SLCO5A1: variants seen among roughly 807,000 people sequenced by gnomAD.
SLCO5A1 encodes the protein organic anion transporter polypeptide-related protein 4.
In SLCO5A1, 39 loss-of-function variants were observed where a neutral mutation model predicts 65.1. That is an observed-to-expected ratio of 0.60 (90% CI 0.46 to 0.78). SLCO5A1 has a LOEUF of 0.78. Among genes scored for constraint, SLCO5A1 ranks in the 30% least tolerant of loss-of-function variants. SLCO5A1 has a pLI of 0.00. For missense variants in SLCO5A1, 1,029 were observed against 1,069.4 expected (o/e 0.96, Z 0.53); for synonymous variants, 438 against 415.7 (o/e 1.05, Z -0.65).
intron 5 of SLCO5A1, among the ~76,000 whole-genome samples, chr8:69,706,832 A>C (rs1395197888): frequency 4.6e-5 from 7 of 152,218 alleles, no homozygotes; most frequent in Non-Finnish European, 1.0e-4. Context: ...ACTTCTGGGT[A>C]TGTTATTTTT....
intron 5 of SLCO5A1, among the ~76,000 whole-genome samples, chr8:69,733,680 T>A (rs928040508): frequency 1.3e-5 from 2 of 152,176 alleles, no homozygotes; most frequent in African/African-American, 4.8e-5. Flanking sequence ...TCACGAGACG[T>A]GATGGTTTTA....
chr8:69,771,016 C>G (rs538751546), intron 2 of SLCO5A1, among the ~76,000 whole-genome samples: 12 of 152,248 alleles, frequency 7.9e-5, no homozygotes, highest in Non-Finnish European at 1.2e-4. Flanking sequence ...TGGAGTTACA[C>G]TCTTGTCACC....
intron 6 of SLCO5A1, among the ~76,000 whole-genome samples, chr8:69,690,380 T>C (rs1321232484): frequency 2.0e-5 from 3 of 152,160 alleles, no homozygotes; most frequent in Non-Finnish European, 4.4e-5. Context: ...GCCGCGGGCC[T>C]TTGTGGAATG....
At chr8:69,758,270 T>C (rs1817609127) in intron 3 of SLCO5A1, among the ~76,000 whole-genome samples, 1 of 152,156 alleles carries the variant, frequency 6.6e-6, no homozygotes, top group African/African-American at 2.4e-5. Flanking sequence ...AACTGCAGCC[T>C]TGACCTCCCG....
At chr8:69,824,929 G>A (rs1196917598) in intron 2 of SLCO5A1, among the ~76,000 whole-genome samples, 67 of 151,998 alleles carry the variant, frequency 4.4e-4, no homozygotes, top group African/African-American at 1.5e-3. Context: ...CTTATCCACC[G>A]TGATCAAGTG....
chr8:69,763,734 A>G (rs1258860174), intron 2 of SLCO5A1, among the ~76,000 whole-genome samples: 1 of 149,884 alleles, frequency 6.7e-6, no homozygotes, highest in Non-Finnish European at 1.5e-5. Context: ...ATTTAAAATT[A>G]TAAAATAAGT....
intron 2 of SLCO5A1, among the ~76,000 whole-genome samples, chr8:69,789,159 G>A (rs1819161426): frequency 6.6e-6 from 1 of 152,110 alleles, no homozygotes; most frequent in African/African-American, 2.4e-5. Flanking sequence ...TGTGCCTCTT[G>A]GCTAATGGGC....
At chr8:69,701,178 G>GA (rs1432780986) in intron 6 of SLCO5A1, among the ~76,000 whole-genome samples, 1 of 152,150 alleles carries the variant, frequency 6.6e-6, no homozygotes, top group Non-Finnish European at 1.5e-5. Context: ...GAGGGTGTGG[G>GA]AAACTGGATG....
intron 2 of SLCO5A1, among the ~76,000 whole-genome samples, chr8:69,800,206 C>G (rs568010790): frequency 6.7e-6 from 1 of 148,648 alleles, no homozygotes; most frequent in African/African-American, 2.5e-5. Context: ...TTCGGAAAAG[C>G]CTTGGTATTT....
At chr8:69,731,846 G>A (rs1182809394) in intron 5 of SLCO5A1, among the ~76,000 whole-genome samples, 1 of 152,164 alleles carries the variant, frequency 6.6e-6, no homozygotes. Flanking sequence ...AGTAGTGTCA[G>A]CACACGTCTC....
At chr8:69,769,053 T>A (rs549273939) in intron 2 of SLCO5A1, among the ~76,000 whole-genome samples, 13 of 152,236 alleles carry the variant, frequency 8.5e-5, no homozygotes, top group African/African-American at 2.9e-4. Context: ...GAGTCTGCTG[T>A]CTATGTGCTG....
chr8:69,740,029 G>A (rs182729059), intron 4 of SLCO5A1, among the ~76,000 whole-genome samples: 1 of 152,238 alleles, frequency 6.6e-6, no homozygotes, highest in Admixed American at 6.5e-5. Flanking sequence ...ATATTGAACG[G>A]GTTTTTCTTC....
At chr8:69,798,007 C>T (rs1819573629) in intron 2 of SLCO5A1, among the ~76,000 whole-genome samples, 1 of 152,134 alleles carries the variant, frequency 6.6e-6, no homozygotes, top group Non-Finnish European at 1.5e-5. Flanking sequence ...ACGGAACCTG[C>T]CGACATGTGA....
intron 2 of SLCO5A1, among the ~76,000 whole-genome samples, chr8:69,778,108 G>A (rs529290055): frequency 3.9e-5 from 6 of 152,146 alleles, no homozygotes; most frequent in East Asian, 3.9e-4. Flanking sequence ...GTATGTATAC[G>A]TATGAAAAGA....
At chr8:69,687,044 G>GTGTAC (rs138407073) in intron 6 of SLCO5A1, among the ~76,000 whole-genome samples, 1 of 151,666 alleles carries the variant, frequency 6.6e-6, no homozygotes, top group South Asian at 2.1e-4. Context: ...TAAGATATTG[G>GTGTAC]TATCTTTCCG....
At chr8:69,780,707 T>C (rs1818756585) in intron 2 of SLCO5A1, among the ~76,000 whole-genome samples, 1 of 152,156 alleles carries the variant, frequency 6.6e-6, no homozygotes, top group Admixed American at 6.6e-5. Flanking sequence ...TGTATGGTAT[T>C]TGGGTGATGG....
chr8:69,693,995 G>C (rs1235328620), intron 6 of SLCO5A1, among the ~76,000 whole-genome samples: 1 of 152,218 alleles, frequency 6.6e-6, no homozygotes, highest in Non-Finnish European at 1.5e-5. Context: ...GCTGATGTGA[G>C]AGCCACAGAG....
chr8:69,778,819 T>G (rs772011382), intron 2 of SLCO5A1, among the ~76,000 whole-genome samples: 2 of 152,196 alleles, frequency 1.3e-5, no homozygotes, highest in Non-Finnish European at 2.9e-5. Context: ...TGACACATCC[T>G]GAACATCAAT....
chr8:69,747,584 G>A (rs546319786), intron 4 of SLCO5A1, among the ~76,000 whole-genome samples: 11 of 152,248 alleles, frequency 7.2e-5, no homozygotes, highest in African/African-American at 1.4e-4. Flanking sequence ...GAGGATGTGC[G>A]TAGCTTATAT....
Sources: allele counts gnomAD v4.1 joint callset (sites outside exome capture counted in the v4.1 genomes callset), GRCh38; gene constraint gnomAD v4.1.1; transcripts MANE v1.5; gene names NCBI Gene and HGNC (gene_info 2026-07-23, HGNC 2026-07-21).